The following FGF14 variants were observed in gnomAD, a reference collection of about 807,000 sequenced individuals.
FGF14 encodes fibroblast growth factor homologous factor 4.
Under a neutral mutation model 25.5 loss-of-function variants are expected in FGF14, and 5 were observed. That is an observed-to-expected ratio of 0.20 (90% CI 0.10 to 0.41). The LOEUF (loss-of-function observed/expected upper bound fraction) is 0.41, where lower values mean the gene tolerates loss of function less well. FGF14 is among the 10% of genes least tolerant of loss of function. The probability of loss-of-function intolerance (pLI) is 1.00; values close to 1 mark genes in which losing one functional copy is unlikely to be tolerated. For missense variants in FGF14, 222 were observed against 320.1 expected (o/e 0.69, Z 2.34); for synonymous variants, 138 against 118.3 (o/e 1.17, Z -1.08).
intron 1 of FGF14, among the ~76,000 whole-genome samples, chr13:102,093,724 A>G (rs995436071): frequency 1.3e-5 from 2 of 151,986 alleles, no homozygotes; most frequent in Admixed American, 1.3e-4. Context: ...TACAAGAAAC[A>G]GTTAAATTGC....
At chr13:101,927,973 G>A (rs192685091) in intron 1 of FGF14, among the ~76,000 whole-genome samples, 14 of 152,248 alleles carry the variant, frequency 9.2e-5, no homozygotes, top group African/African-American at 1.2e-4. Flanking sequence ...TATGCCCTCC[G>A]TCCCGTTTCC....
At chr13:102,263,878 G>A (rs2052846864) in intron 1 of FGF14, among the ~76,000 whole-genome samples, 1 of 152,116 alleles carries the variant, frequency 6.6e-6, no homozygotes, top group Admixed American at 6.6e-5. Context: ...GAAAAAAGTT[G>A]AGTGTCATTT....
At chr13:102,153,982 T>G (rs1566752278) in intron 1 of FGF14, among the ~76,000 whole-genome samples, 2 of 152,156 alleles carry the variant, frequency 1.3e-5, no homozygotes, top group Admixed American at 6.5e-5. Context: ...AGGAAATCAA[T>G]ATTTAAAGAG....
At chr13:102,011,273 C>T (rs555974432) in intron 1 of FGF14, among the ~76,000 whole-genome samples, 1 of 152,244 alleles carries the variant, frequency 6.6e-6, no homozygotes, top group South Asian at 2.1e-4. Flanking sequence ...CTGGAGCTTC[C>T]AACAAAATGT....
At chr13:102,249,646 G>A (rs574091080) in intron 1 of FGF14, among the ~76,000 whole-genome samples, 3 of 152,062 alleles carry the variant, frequency 2.0e-5, no homozygotes, top group South Asian at 2.1e-4. Flanking sequence ...AATATGTAAC[G>A]CTGAATGTTG....
chr13:102,170,782 T>C (rs2048213994), intron 1 of FGF14, among the ~76,000 whole-genome samples: 2 of 152,138 alleles, frequency 1.3e-5, no homozygotes, highest in South Asian at 4.2e-4. Flanking sequence ...TGGCAGAAGG[T>C]AGGGACTGTT....
intron 1 of FGF14, among the ~76,000 whole-genome samples, chr13:101,997,160 GTTTA>G (rs2039230297): frequency 6.6e-6 from 1 of 152,190 alleles, no homozygotes; most frequent in African/African-American, 2.4e-5. Context: ...TGCATTTATT[GTTTA>G]TTGTCTGTCT....
At chr13:101,835,255 TAG>T (rs377416797) in intron 3 of FGF14, among the ~76,000 whole-genome samples, 7 of 150,666 alleles carry the variant, frequency 4.6e-5, no homozygotes, top group African/African-American at 7.3e-5. Context: ...GAGACTGAAA[TAG>T]AGAGAGAGAG....
chr13:101,737,998 C>T (rs1490529352), intron 3 of FGF14, among the ~76,000 whole-genome samples: 1 of 152,028 alleles, frequency 6.6e-6, no homozygotes, highest in Non-Finnish European at 1.5e-5. Flanking sequence ...GAAATATAAG[C>T]AGGTTCTACA....
intron 1 of FGF14, chr13:102,045,814 ATAGGATAGTCTGTCTGG>A (rs1003523421): frequency 2.0e-5 from 3 of 152,200 alleles, no homozygotes; most frequent in Non-Finnish European, 4.4e-5. Flanking sequence ...TCTGCCATCT[ATAGGATAGTCTGTCTGG>A]TAGCTACTTG....
chr13:102,242,225 C>A (rs2141031849), intron 1 of FGF14, among the ~76,000 whole-genome samples: 1 of 152,202 alleles, frequency 6.6e-6, no homozygotes, highest in Non-Finnish European at 1.5e-5. Flanking sequence ...TCAGGCAATA[C>A]AGAAAATATT....
At chr13:101,794,913 T>C (rs544737435) in intron 3 of FGF14, among the ~76,000 whole-genome samples, 1 of 152,262 alleles carries the variant, frequency 6.6e-6, no homozygotes, top group South Asian at 2.1e-4. Flanking sequence ...TATTGAAAAA[T>C]CTACAAGATG....
intron 1 of FGF14, among the ~76,000 whole-genome samples, chr13:101,981,082 AACACACACACACACACACACACAC>A (rs58666555): frequency 8.1e-6 from 1 of 123,704 alleles, no homozygotes; most frequent in African/African-American, 3.1e-5. Context: ...TCTCTACTAA[AACACACACACACACACACACACAC>A]ACACACACAC....
At chr13:102,129,658 AG>A (rs2046103031) in intron 1 of FGF14, among the ~76,000 whole-genome samples, 1 of 151,756 alleles carries the variant, frequency 6.6e-6, no homozygotes, top group Non-Finnish European at 1.5e-5. Context: ...GCACACAGGA[AG>A]GGGAACATCA....
rs1041476600 is a variant in FGF14 at position 101,837,176 on chromosome 13, GTGTGTGTA to G, written c.408+31541_408+31548del. On this transcript the variant is annotated intron_variant, in intron 3 of 4. Coordinates refer to ENST00000376143, the MANE Select transcript of FGF14 (RefSeq NM_004115.4). ...GACTGAGCTGGTACTATATGTGTGT[GTGTGTGTA>G]TGTGTGTTTGTGTGTGTGTATTTGT... 4.7e-4 allele frequency among the ~76,000 whole-genome samples: 71 copies of G among 152,052 alleles called. 1 individual carries two copies. The East Asian group carries it at 0.012, about 25-fold the overall frequency.
intron 1 of FGF14, among the ~76,000 whole-genome samples, chr13:102,300,770 G>T (rs1230666575): frequency 1.3e-5 from 2 of 151,972 alleles, no homozygotes; most frequent in African/African-American, 4.8e-5. Flanking sequence ...ATATCTAAAG[G>T]CAATTATTTT....
chr13:102,129,568 T>C (rs1267512004), intron 1 of FGF14, among the ~76,000 whole-genome samples: 2 of 152,162 alleles, frequency 1.3e-5, no homozygotes, highest in Admixed American at 6.6e-5. Context: ...CCTTCCTCAA[T>C]TCCTTACAAT....
At chr13:101,751,868 T>TA (rs998673255) in intron 3 of FGF14, among the ~76,000 whole-genome samples, 13 of 150,034 alleles carry the variant, frequency 8.7e-5, no homozygotes, top group Admixed American at 2.0e-4. Flanking sequence ...ATGTTATATA[T>TA]AAAAAAAATA....
At chr13:101,933,730 C>T (rs2034916786) in intron 1 of FGF14, among the ~76,000 whole-genome samples, 1 of 151,996 alleles carries the variant, frequency 6.6e-6, no homozygotes, top group Admixed American at 6.6e-5. Flanking sequence ...TCTCAAAAAA[C>T]AAACAAACAA....
Sources: allele counts gnomAD v4.1 joint callset (sites outside exome capture counted in the v4.1 genomes callset), GRCh38; gene constraint gnomAD v4.1.1; transcripts MANE v1.5; gene names NCBI Gene and HGNC (gene_info 2026-07-23, HGNC 2026-07-21).